Variants in CSMD3 observed in about 807,000 individuals in gnomAD.
CSMD3 encodes CUB and Sushi multiple domains 3.
Under a neutral mutation model 435.2 loss-of-function variants are expected in CSMD3, and 177 were observed. The ratio of observed to expected loss-of-function variants is 0.41; its 90% CI spans 0.36 to 0.46. The LOEUF (loss-of-function observed/expected upper bound fraction) is 0.46, where lower values mean the gene tolerates loss of function less well. Among genes scored for constraint, CSMD3 ranks in the 20% least tolerant of loss-of-function variants. CSMD3 has a pLI of 0.34. For missense variants in CSMD3, 4,265 were observed against 4,504.6 expected (o/e 0.95, Z 1.52); for synonymous variants, 1,656 against 1,520.5 (o/e 1.09, Z -2.07).
At chr8:113,332,284 T>A (rs2094033778) in intron 1 of CSMD3, among the ~76,000 whole-genome samples, 1 of 147,868 alleles carries the variant, frequency 6.8e-6, no homozygotes. Flanking sequence ...CCATACAGCA[T>A]TACCACAAAA....
chr8:113,325,289 T>C (rs2093976340), intron 1 of CSMD3, among the ~76,000 whole-genome samples: 1 of 152,182 alleles, frequency 6.6e-6, no homozygotes, highest in African/African-American at 2.4e-5. Context: ...AAATCTCATC[T>C]TGAATTCCCA....
intron 6 of CSMD3, among the ~76,000 whole-genome samples, chr8:113,017,385 A>G (rs937978645): frequency 1.3e-5 from 2 of 152,018 alleles, no homozygotes; most frequent in Non-Finnish European, 2.9e-5. Flanking sequence ...TACCAGCTCC[A>G]TGAAATCATA....
chr8:112,853,920 A>G (rs231306), intron 11 of CSMD3, among the ~76,000 whole-genome samples: 30,717 of 151,970 alleles, frequency 0.2, 3,905 homozygotes, highest in Non-Finnish European at 0.29. Flanking sequence ...TAAACCTGCT[A>G]GCTCACATCC....
In CSMD3 at chr8:112,753,960, G is replaced by A. The variant is rs182456077; in HGVS notation, c.1972+46202C>T. Among the ~76,000 whole-genome samples, 619 of 139,666 alleles carry A rather than the reference G, an allele frequency of 4.4e-3. 4 individuals are homozygous for A. Among genetic ancestry groups the A allele is most frequent in the Admixed American group, 7.5e-3 (99 of 13,156 alleles). The allele number at this position is 139,666 out of a possible 152,430, so 91.6% of individuals were successfully genotyped here. On this transcript the variant is annotated intron_variant, in intron 13 of 70. Transcript: ENST00000297405. Reference sequence around the variant, plus strand: ...CCAAAATTTATCTTGAAATATTAAAGAAGTTTGAGAAAGAAGAATGGAGCT... The same window carrying A: ...CCAAAATTTATCTTGAAATATTAAAAAAGTTTGAGAAAGAAGAATGGAGCT...
intron 23 of CSMD3, among the ~76,000 whole-genome samples, chr8:112,574,660 G>T (rs1829798984): frequency 1.3e-5 from 2 of 152,052 alleles, no homozygotes; most frequent in Middle Eastern, 3.4e-3. Context: ...CCCCAAAGGT[G>T]TAAAAATTGG....
At chr8:113,413,132 T>C (rs557744731) in intron 1 of CSMD3, among the ~76,000 whole-genome samples, 1 of 152,328 alleles carries the variant, frequency 6.6e-6, no homozygotes, top group South Asian at 2.1e-4. Context: ...TAAGTTTTAA[T>C]GATACTACAA....
intron 12 of CSMD3, among the ~76,000 whole-genome samples, chr8:112,804,802 C>A (rs896008284): frequency 1.3e-5 from 2 of 151,836 alleles, no homozygotes; most frequent in Admixed American, 6.6e-5. Context: ...GCAGCTGGGA[C>A]TACAGGTGTG....
chr8:112,962,428 T>C (rs2084266083), intron 7 of CSMD3, among the ~76,000 whole-genome samples: 1 of 151,848 alleles, frequency 6.6e-6, no homozygotes, highest in East Asian at 1.9e-4. Flanking sequence ...AAGAAACTTT[T>C]TGAAAAACAG....
chr8:112,653,660 C>CT (rs71309782), intron 18 of CSMD3, among the ~76,000 whole-genome samples: 208 of 130,140 alleles, frequency 1.6e-3, no homozygotes, highest in Admixed American at 2.9e-3. Context: ...ATAATCTTAT[C>CT]TTTTTTTTTT....
chr8:113,364,954 G>T (rs1452651614), intron 1 of CSMD3, among the ~76,000 whole-genome samples: 2 of 152,064 alleles, frequency 1.3e-5, no homozygotes, highest in African/African-American at 4.8e-5. Context: ...TTTAAAGTGA[G>T]AATGTATAGT....
Position 113,332,660 on chromosome 8 carries a change from TC to T in CSMD3, c.179-17868del, listed in dbSNP as rs2094037199. On this transcript the variant is annotated intron_variant, in intron 1 of 70. Transcript: ENST00000297405. Reference sequence around the variant, plus strand: ...TAAATGATAGATATCCTTTTTTTCATCAATTAGAAGGCAACATTTTCAAGAG... The same window carrying T: ...TAAATGATAGATATCCTTTTTTTCATAATTAGAAGGCAACATTTTCAAGAG... 3.3e-5 allele frequency among the ~76,000 whole-genome samples: 5 copies of T among 151,708 alleles called. 1 individual carries two copies. The South Asian group carries it at 1.0e-3, about 31-fold the overall frequency.
intron 22 of CSMD3, among the ~76,000 whole-genome samples, chr8:112,628,958 G>C (rs1586839464): frequency 6.6e-6 from 1 of 152,110 alleles, no homozygotes; most frequent in Non-Finnish European, 1.5e-5. Flanking sequence ...TTAAGTAAGA[G>C]AGTAACATAA....
Position 112,281,331 on chromosome 8 carries a change from T to C in CSMD3, c.9351A>G (p.Pro3117=). Residue 3117 remains proline, a synonymous_variant, in exon 59 of 71, where the codon CCA becomes CCG. Coordinates refer to ENST00000297405, the MANE Select transcript of CSMD3 (RefSeq NM_198123.2). ...AGACTTTCCCATTGGCTGTGGTTCC[T>C]GGGTTACCACACTGCACAGCTATAA... ...PECKAVQCGN[P]GTTANGKVFR... is the part of the protein sequence containing the mutation. The C allele has an allele frequency of 1.2e-6, 2 of 1,613,072 alleles. No homozygotes were observed. The highest frequency in any genetic ancestry group is 1.7e-6 in the Non-Finnish European group (2 of 1,179,232).
intron 58 of CSMD3, among the ~76,000 whole-genome samples, chr8:112,283,581 CT>C (rs1209443036): frequency 6.6e-6 from 1 of 151,234 alleles, no homozygotes; most frequent in Non-Finnish European, 1.5e-5. Flanking sequence ...TTAATTTACT[CT>C]TTTTTATTTC....
chr8:112,506,715 T>C lies in CSMD3; in HGVS notation c.4871A>G (p.Tyr1624Cys), dbSNP rs1013773762. The C allele has an allele frequency of 1.6e-5, 26 of 1,613,632 alleles. No individual in the cohort carries two copies. The highest frequency in any genetic ancestry group is 4.5e-5 in the East Asian group (2 of 44,856). Reference sequence around the variant, plus strand: ...CCTGATGAACGCCAAGGAGATAACATAGTCTGCATTGACGGTGATAGTCCA... The same window carrying C: ...CCTGATGAACGCCAAGGAGATAACACAGTCTGCATTGACGGTGATAGTCCA... ...CDWTITVNAD[Y>C]VISLAFISFS... The change falls in exon 29 of 71, where the codon TAT becomes TGT. Residue 1624 changes from tyrosine to cysteine, a missense_variant. Physicochemically the swap from Tyr to Cys is radical, Grantham distance 194. Around this residue, in one of 3 missense-constraint regions of CSMD3, gnomAD observed 3,255 missense variants for 3,380.2 expected, o/e 0.96. Coordinates refer to ENST00000297405, the MANE Select transcript of CSMD3 (RefSeq NM_198123.2).
In CSMD3 at chr8:112,331,998, C is replaced by T. The variant is rs377387514; in HGVS notation, c.7165+3331G>A. Among the ~76,000 whole-genome samples, 5 of 152,046 alleles carry T rather than the reference C, an allele frequency of 3.3e-5. No individual in the cohort carries two copies. In the East Asian group the frequency reaches 5.8e-4, roughly 18 times the overall value. On this transcript the variant is annotated intron_variant, in intron 45 of 70. Coordinates refer to ENST00000297405, the MANE Select transcript of CSMD3 (RefSeq NM_198123.2). Reference sequence around the variant, plus strand: ...AGGAGGATGTAATTTAGAAATTACACATTTAGTAATTCTAAAATGATCTTT... The same window carrying T: ...AGGAGGATGTAATTTAGAAATTACATATTTAGTAATTCTAAAATGATCTTT...
intron 5 of CSMD3, among the ~76,000 whole-genome samples, chr8:113,087,394 C>G: frequency 6.6e-6 from 1 of 151,928 alleles, no homozygotes; most frequent in East Asian, 1.9e-4. Context: ...GAGCCCGCAT[C>G]ACCAAGTCAA....
chr8:112,957,025 A>G lies in CSMD3; in HGVS notation c.1343-2264T>C, dbSNP rs73702267. On this transcript the variant is annotated intron_variant, in intron 7 of 70. Transcript: ENST00000297405. ...ATGTTAAACAGAAGACAAATATTTT[A>G]GCTGTTTATATTTTTAACGGAAAGA... Among the ~76,000 whole-genome samples the G allele has an allele frequency of 8.3e-3, 1,257 of 152,244 alleles. 19 individuals are homozygous for G. The highest frequency in any genetic ancestry group is 0.029 in the African/African-American group (1,190 of 41,556).
chr8:112,348,676 C>A (rs1825880916), intron 40 of CSMD3, among the ~76,000 whole-genome samples: 1 of 152,090 alleles, frequency 6.6e-6, no homozygotes, highest in Non-Finnish European at 1.5e-5. Context: ...GCAGGCAGAT[C>A]ACCTGAGGTC....
Sources: allele counts gnomAD v4.1 joint callset (sites outside exome capture counted in the v4.1 genomes callset), GRCh38; gene constraint gnomAD v4.1.1; regional missense constraint gnomAD v4.1.1; transcripts MANE v1.5; gene names NCBI Gene and HGNC (gene_info 2026-07-23, HGNC 2026-07-21).